MAGI1: variants seen among roughly 807,000 people sequenced by gnomAD.
The protein encoded by MAGI1 is membrane associated guanylate kinase, WW and PDZ domain containing 1.
MAGI1 carries 58 observed loss-of-function variants against 139.9 expected under a neutral mutation model. That is an observed-to-expected ratio of 0.41 (90% CI 0.34 to 0.52). The LOEUF is 0.52. MAGI1 is among the 20% of genes least tolerant of loss of function. The probability of loss-of-function intolerance (pLI) is 0.12; values close to 1 mark genes in which losing one functional copy is unlikely to be tolerated. For missense variants in MAGI1, 1,874 were observed against 1,901.6 expected, an observed-to-expected ratio of 0.99 and a Z score of 0.27; for synonymous variants, 812 against 737.9, an observed-to-expected ratio of 1.10 and a Z score of -1.63.
At chr3:65,965,782 T>C (rs1023895307) in intron 1 of MAGI1, among the ~76,000 whole-genome samples, 4 of 152,078 alleles carry the variant, frequency 2.6e-5, no homozygotes, top group Admixed American at 6.5e-5. Context: ...ACACTCCTGC[T>C]TCAGTCTGCC....
intron 1 of MAGI1, among the ~76,000 whole-genome samples, chr3:65,888,650 ATTTAAGAATC>A (rs566166705): frequency 1.4e-3 from 214 of 152,314 alleles, no homozygotes; most frequent in Admixed American, 2.2e-3. Context: ...GTACATACAC[ATTTAAGAATC>A]TTTAAGATTT....
Position 65,921,089 on chromosome 3 carries a change from A to C in MAGI1, c.313+116907T>G, listed in dbSNP as rs564528117. Among the ~76,000 whole-genome samples, 9 of 152,230 alleles carry C rather than the reference A, an allele frequency of 5.9e-5. No homozygotes were observed. In the South Asian group the frequency reaches 8.3e-4, roughly 14 times the overall value. ...TTTAGTTACAATTGACGCTACTGCC[A>C]AACTGAGTTCAGTTCAGAAGTTATA... On this transcript the variant is annotated intron_variant, in intron 1 of 22. Coordinates refer to ENST00000402939, the MANE Select transcript of MAGI1 (RefSeq NM_001033057.2).
At chr3:65,468,437 G>A (rs1307210129) in intron 5 of MAGI1, among the ~76,000 whole-genome samples, 1 of 124,060 alleles carries the variant, frequency 8.1e-6, no homozygotes, top group Admixed American at 1.1e-4. Flanking sequence ...GTGCAGTGGT[G>A]CAATCTCGGC....
intron 1 of MAGI1, among the ~76,000 whole-genome samples, chr3:65,844,930 T>C (rs1481154666): frequency 1.3e-5 from 2 of 152,118 alleles, no homozygotes; most frequent in Non-Finnish European, 2.9e-5. Flanking sequence ...ACCCTTTCCT[T>C]CATCTGAGTA....
rs868199643 is a variant in MAGI1 at position 66,027,260 on chromosome 3, C to T, written c.313+10736G>A. On this transcript the variant is annotated intron_variant, in intron 1 of 22. Coordinates refer to ENST00000402939, the MANE Select transcript of MAGI1 (RefSeq NM_001033057.2). Reference sequence around the variant, plus strand: ...TCCAAGCTGGGTGACAATGAGACTCCGTCTCAAATAAATAAATAAATAAAT... The same window carrying T: ...TCCAAGCTGGGTGACAATGAGACTCTGTCTCAAATAAATAAATAAATAAAT... 7.0e-4 allele frequency among the ~76,000 whole-genome samples: 99 copies of T among 142,426 alleles called. 1 individual carries two copies. The highest frequency in any genetic ancestry group is 7.4e-3 in the Middle Eastern group (2 of 270). 93.4% of individuals were successfully genotyped at this position (142,426 alleles called of 152,430 possible).
rs12634399 is a variant in MAGI1 at position 65,716,147 on chromosome 3, G to A, written c.314-94059C>T. Among the ~76,000 whole-genome samples the A allele has an allele frequency of 0.015, 2,219 of 152,320 alleles. 184 individuals carry two copies. The East Asian group carries it at 0.26, about 18-fold the overall frequency. Reference sequence around the variant, plus strand: ...TCTTGTCCTCAACTTAGGAACTGATGTATTAGACACCATCTTCTTAGGACT... The same window carrying A: ...TCTTGTCCTCAACTTAGGAACTGATATATTAGACACCATCTTCTTAGGACT... On this transcript the variant is annotated intron_variant, in intron 1 of 22. Transcript: ENST00000402939.
At chr3:65,767,632 C>T (rs768308544) in intron 1 of MAGI1, among the ~76,000 whole-genome samples, 2 of 152,248 alleles carry the variant, frequency 1.3e-5, no homozygotes, top group South Asian at 2.1e-4. Context: ...ATGAAATTTA[C>T]GTTAGGAGGC....
chr3:65,787,976 G>A (rs142486742), intron 1 of MAGI1, among the ~76,000 whole-genome samples: 1 of 152,154 alleles, frequency 6.6e-6, no homozygotes, highest in Non-Finnish European at 1.5e-5. Context: ...ATTTAGTCTT[G>A]ATCCTTAGGG....
chr3:65,426,024 TA>T (rs1559544053), intron 12 of MAGI1, among the ~76,000 whole-genome samples: 1 of 152,002 alleles, frequency 6.6e-6, no homozygotes, highest in Non-Finnish European at 1.5e-5. Flanking sequence ...AATAGAAGGG[TA>T]AAAAGCACTT....
At chr3:65,661,809 G>A (rs1352297181) in intron 1 of MAGI1, among the ~76,000 whole-genome samples, 5 of 139,470 alleles carry the variant, frequency 3.6e-5, no homozygotes, top group East Asian at 2.3e-4. Context: ...GTGCAGTGGC[G>A]AGATCATGGC....
intron 1 of MAGI1, among the ~76,000 whole-genome samples, chr3:65,906,637 G>T (rs1216510893): frequency 1.3e-5 from 2 of 152,126 alleles, no homozygotes; most frequent in Non-Finnish European, 2.9e-5. Context: ...TGGAATCCCA[G>T]CATTTTGGGA....
intron 2 of MAGI1, among the ~76,000 whole-genome samples, chr3:65,523,621 T>G (rs1247512702): frequency 6.6e-6 from 1 of 152,142 alleles, no homozygotes; most frequent in Non-Finnish European, 1.5e-5. Flanking sequence ...TTGCACAGAT[T>G]AAGAGAATTT....
At chr3:65,757,601 G>A (rs1032978101) in intron 1 of MAGI1, among the ~76,000 whole-genome samples, 3 of 152,138 alleles carry the variant, frequency 2.0e-5, no homozygotes, top group African/African-American at 7.2e-5. Context: ...TCACACCATT[G>A]CACTCCAGCC....
intron 2 of MAGI1, among the ~76,000 whole-genome samples, chr3:65,560,799 A>C (rs1422353855): frequency 6.6e-6 from 1 of 152,324 alleles, no homozygotes; most frequent in East Asian, 1.9e-4. Flanking sequence ...ATGTGGCAAA[A>C]TCTCCAAACA....
rs537227140 is a variant in MAGI1, at chr3:65,415,264, G to A, written c.2168-13794C>T. On this transcript the variant is annotated intron_variant, in intron 12 of 22. Transcript: ENST00000402939. ...TCCAGACAACTAAGTCAAAGGTACT[G>A]AAAACAGGAGGTCTGCTTCAGCCTC... Among the ~76,000 whole-genome samples the A allele has an allele frequency of 5.3e-5, 8 of 152,244 alleles. No homozygotes were observed. The South Asian group carries it at 1.7e-3, about 32-fold the overall frequency.
At chr3:65,416,203 T>C (rs1946206362) in intron 12 of MAGI1, among the ~76,000 whole-genome samples, 1 of 152,196 alleles carries the variant, frequency 6.6e-6, no homozygotes, top group South Asian at 2.1e-4. Context: ...AAGACCCCTT[T>C]TGCATACCGA....
chr3:65,700,786 T>G (rs1254540744), intron 1 of MAGI1, among the ~76,000 whole-genome samples: 1 of 152,138 alleles, frequency 6.6e-6, no homozygotes, highest in Non-Finnish European at 1.5e-5. Context: ...ATCCAAAAAT[T>G]TCACCAAACA....
At chr3:65,384,918 G>C (rs1575577198) in intron 14 of MAGI1, among the ~76,000 whole-genome samples, 1 of 152,032 alleles carries the variant, frequency 6.6e-6, no homozygotes, top group South Asian at 2.1e-4. Context: ...ACACTGAGGG[G>C]TGACTGTACA....
chr3:65,693,000 T>C (rs1475466090), intron 1 of MAGI1, among the ~76,000 whole-genome samples: 1 of 152,160 alleles, frequency 6.6e-6, no homozygotes, highest in Non-Finnish European at 1.5e-5. Flanking sequence ...GGCACAATCA[T>C]GGCTCACTGC....
Sources: allele counts gnomAD v4.1 joint callset (sites outside exome capture counted in the v4.1 genomes callset), GRCh38; gene constraint gnomAD v4.1.1; transcripts MANE v1.5; gene names NCBI Gene and HGNC (gene_info 2026-07-23, HGNC 2026-07-21).